The following DIAPH2 variants were observed in gnomAD, a reference collection of about 807,000 sequenced individuals.
The protein encoded by DIAPH2 is diaphanous related formin 2, also known as protein diaphanous homolog 2.
In DIAPH2, 35 loss-of-function variants were observed where a neutral mutation model predicts 92.7. The observed-to-expected ratio is 0.38, with a 90% confidence interval of 0.29 to 0.50. The LOEUF (loss-of-function observed/expected upper bound fraction) is 0.50. Ranked by LOEUF, DIAPH2 falls within the 20% of genes least tolerant of loss-of-function variation. The pLI is 0.94. For missense variants in DIAPH2, 701 were observed against 819.5 expected, an observed-to-expected ratio of 0.86 and a Z score of 1.77; for synonymous variants, 301 against 280.4, an observed-to-expected ratio of 1.07 and a Z score of -0.73.
intron 22 of DIAPH2, among the ~76,000 whole-genome samples, chrX:97,144,000 G>GCTTC (rs1205109039): frequency 9.0e-6 from 1 of 111,498 alleles, no homozygotes; most frequent in Admixed American, 9.6e-5. Flanking sequence ...GAAAGGTGAA[G>GCTTC]GGTAGGGGGA....
rs1244483272 is a variant in DIAPH2 at position 97,465,702 on chromosome X, T to C, written c.3241+35957T>C. On this transcript the variant is annotated intron_variant, in intron 26 of 26. Transcript: ENST00000324765. ...AACCGGAATTTTGTTTGTTTGTTTG[T>C]TTTGAGGTGAAGTTTTGCTCTTGTT... is the stretch of plus-strand genomic sequence containing the variant. 2.7e-5 allele frequency among the ~76,000 whole-genome samples: 3 copies of C among 111,731 alleles called. No individual in the cohort carries two copies. In the Admixed American group the frequency reaches 2.8e-4, roughly 11 times the overall value.
intron 20 of DIAPH2, among the ~76,000 whole-genome samples, chrX:97,105,430 A>T (rs2066933591): frequency 8.9e-6 from 1 of 111,917 alleles, no homozygotes; most frequent in Admixed American, 9.5e-5. Flanking sequence ...TAGGGGGTAG[A>T]TTGGCTGCAT....
intron 26 of DIAPH2, among the ~76,000 whole-genome samples, chrX:97,552,565 C>CTTTTTTTTT (rs758110409): frequency 1.0e-5 from 1 of 95,460 alleles, no homozygotes. Context: ...ACACATTTTT[C>CTTTTTTTTT]TTTTTTTTTT....
intron 4 of DIAPH2, among the ~76,000 whole-genome samples, chrX:96,797,169 AT>A (rs983807160): frequency 3.8e-5 from 4 of 103,936 alleles, no homozygotes; most frequent in Non-Finnish European, 5.9e-5. Context: ...TCTGAGTTCC[AT>A]TTTTTTTTTC....
chrX:96,835,130 A>G (rs372390159), intron 4 of DIAPH2, among the ~76,000 whole-genome samples: 5 of 111,875 alleles, frequency 4.5e-5, no homozygotes, highest in Non-Finnish European at 9.4e-5. Flanking sequence ...TTGGACTTTA[A>G]AGGATCTTCC....
chrX:97,060,290 T>C (rs975408005), intron 17 of DIAPH2, among the ~76,000 whole-genome samples: 2 of 112,076 alleles, frequency 1.8e-5, no homozygotes, highest in Non-Finnish European at 3.8e-5. Context: ...GGAAAAAGAG[T>C]CAGCAGGTTG....
intron 25 of DIAPH2, among the ~76,000 whole-genome samples, chrX:97,419,900 C>A (rs1459988823): frequency 1.8e-5 from 2 of 111,738 alleles, no homozygotes; most frequent in African/African-American, 6.5e-5. Flanking sequence ...CTTTTCCCTT[C>A]ACAAGCCTTC....
intron 4 of DIAPH2, among the ~76,000 whole-genome samples, chrX:96,825,889 A>C (rs1404551780): frequency 1.8e-5 from 2 of 111,120 alleles, no homozygotes; most frequent in African/African-American, 3.3e-5. Context: ...TCTTCTCTAC[A>C]TCCTATCTCT....
intron 22 of DIAPH2, among the ~76,000 whole-genome samples, chrX:97,173,315 T>A (rs1028280162): frequency 1.2e-4 from 13 of 111,658 alleles, no homozygotes; most frequent in Admixed American, 2.9e-4. Context: ...ATGGGAGGAT[T>A]GCTTGAGCCC....
At chrX:97,068,225 C>G (rs1314818191) in intron 17 of DIAPH2, among the ~76,000 whole-genome samples, 1 of 111,439 alleles carries the variant, frequency 9.0e-6, no homozygotes, top group East Asian at 2.8e-4. Flanking sequence ...GGCATATGAT[C>G]AAGTTTGTCC....
Position 96,750,051 on chromosome X carries a change from G to GTTTT in DIAPH2, c.343-8082_343-8079dup, listed in dbSNP as rs753887199. 3.1e-3 allele frequency among the ~76,000 whole-genome samples: 217 copies of GTTTT among 71,024 alleles called. 1 individual carries two copies. Among genetic ancestry groups the GTTTT allele is most frequent in the Non-Finnish European group, 4.0e-3 (158 of 39,298 alleles). The allele number at this position is 71,024 out of a possible 115,157, so 61.7% of individuals were successfully genotyped here. ...ATGCCTAACTCATGCTATATTTCAA[G>GTTTT]TTTTTTTTTTTTTTTTTTTTTTTTG... On this transcript the variant is annotated intron_variant, in intron 3 of 26. Coordinates refer to ENST00000324765, the MANE Select transcript of DIAPH2 (RefSeq NM_006729.5).
chrX:97,497,543 T>A (rs187393102), intron 26 of DIAPH2, among the ~76,000 whole-genome samples: 14 of 110,437 alleles, frequency 1.3e-4, no homozygotes, highest in Middle Eastern at 4.6e-3. Context: ...CAGTGGCTCA[T>A]GTCTGTAATC....
chrX:97,347,997 C>T (rs2069174016), intron 23 of DIAPH2, 119 bp from the exon 24 acceptor site: 2 of 698,491 alleles, frequency 2.9e-6, no homozygotes, highest in Non-Finnish European at 4.2e-6. Flanking sequence ...AACTAATACA[C>T]AAGTATTTGT....
chrX:97,506,454 T>C (rs2070834938), intron 26 of DIAPH2, among the ~76,000 whole-genome samples: 1 of 95,802 alleles, frequency 1.0e-5, no homozygotes, highest in Admixed American at 1.1e-4. Flanking sequence ...CCCAGCCCTT[T>C]TTTTTTTTTT....
At chrX:97,507,141 CA>C (rs397896097) in intron 26 of DIAPH2, among the ~76,000 whole-genome samples, 12,084 of 32,456 alleles carry the variant, frequency 0.37, 1,094 homozygotes, top group Non-Finnish European at 0.45. Context: ...ACAAAACCGA[CA>C]AAAAAAAAAA....
chrX:96,849,519 C>T (rs896559997), intron 4 of DIAPH2, among the ~76,000 whole-genome samples: 1 of 111,187 alleles, frequency 9.0e-6, no homozygotes, highest in Non-Finnish European at 1.9e-5. Context: ...CCTAGGATGC[C>T]CACTATTTGT....
chrX:97,253,318 A>AAAATAAAATAAAATAAAAT (rs2068206224), intron 23 of DIAPH2, among the ~76,000 whole-genome samples: 2 of 17,221 alleles, frequency 1.2e-4, no homozygotes, highest in Admixed American at 1.3e-3. Flanking sequence ...TAAAATAAAA[A>AAAATAAAATAAAATAAAAT]AAGAGGAAAA....
At chrX:97,346,308 A>T (rs1413189393) in intron 23 of DIAPH2, among the ~76,000 whole-genome samples, 7 of 110,612 alleles carry the variant, frequency 6.3e-5, no homozygotes, top group Non-Finnish European at 1.3e-4. Context: ...AAGCTACAGA[A>T]AATTCTCTCT....
At chrX:97,239,509 A>G (rs2068074628) in intron 22 of DIAPH2, among the ~76,000 whole-genome samples, 1 of 111,987 alleles carries the variant, frequency 8.9e-6, no homozygotes, top group African/African-American at 3.2e-5. Flanking sequence ...CCCGATAGCT[A>G]TAATTTAATT....
Sources: gnomAD v4.1 joint callset for allele counts (sites outside exome capture counted in the v4.1 genomes callset) on GRCh38, gnomAD v4.1.1 for gene constraint, MANE v1.5 for transcripts, NCBI Gene and HGNC (gene_info 2026-07-23, HGNC 2026-07-21) for gene names.